The following TMEM74 variants were observed in gnomAD, a reference collection of about 807,000 sequenced individuals.
The protein encoded by TMEM74 is transmembrane protein 74.
A neutral mutation model predicts 18.1 loss-of-function variants in TMEM74; 13 were observed. The ratio of observed to expected loss-of-function variants is 0.72; its 90% CI spans 0.47 to 1.14. The LOEUF (loss-of-function observed/expected upper bound fraction) is 1.14, where lower values mean the gene tolerates loss of function less well. Ranked by LOEUF, TMEM74 falls within the 50% of genes most tolerant of loss-of-function variation. The probability of loss-of-function intolerance (pLI) is 0.00; values close to 1 mark genes in which losing one functional copy is unlikely to be tolerated. For synonymous variants in TMEM74, 159 were observed against 146.6 expected (o/e 1.08, Z -0.61); for missense variants, 372 against 375.9 (o/e 0.99, Z 0.09).
chr8:108,697,482 T>A (rs550145782), intron 1 of TMEM74, among the ~76,000 whole-genome samples: 2 of 152,254 alleles, frequency 1.3e-5, no homozygotes, highest in South Asian at 4.1e-4. Flanking sequence ...AGTGGCATGA[T>A]CATGGCTCAC....
At chr8:108,680,009 A>G (rs1002508326) in intron 1 of TMEM74, among the ~76,000 whole-genome samples, 6 of 152,230 alleles carry the variant, frequency 3.9e-5, no homozygotes, top group African/African-American at 1.4e-4. Context: ...ATCTCTGAAT[A>G]GACCAAAAAC....
intron 1 of TMEM74, among the ~76,000 whole-genome samples, chr8:108,740,055 G>C (rs1813785257): frequency 6.6e-6 from 1 of 152,080 alleles, no homozygotes; most frequent in African/African-American, 2.4e-5. Context: ...TGATGGTTTA[G>C]CATTTATAAG....
intron 1 of TMEM74, among the ~76,000 whole-genome samples, chr8:108,740,969 C>T (rs1808304483): frequency 6.6e-6 from 1 of 152,070 alleles, no homozygotes; most frequent in African/African-American, 2.4e-5. Flanking sequence ...TACATAAATT[C>T]CTAAATACTT....
At chr8:108,690,800 G>A (rs1034960382) in intron 1 of TMEM74, among the ~76,000 whole-genome samples, 1 of 151,952 alleles carries the variant, frequency 6.6e-6, no homozygotes, top group East Asian at 1.9e-4. Flanking sequence ...CAGCCTGGGC[G>A]ACAGAGCAAG....
chr8:108,738,947 A>T (rs1424993143), intron 1 of TMEM74, among the ~76,000 whole-genome samples: 2 of 152,204 alleles, frequency 1.3e-5, no homozygotes, highest in African/African-American at 4.8e-5. Context: ...TCCTTTAAAA[A>T]TACTTTCTGA....
At chr8:108,744,372 C>G (rs1028634066) in intron 1 of TMEM74, among the ~76,000 whole-genome samples, 1 of 152,046 alleles carries the variant, frequency 6.6e-6, no homozygotes, top group Admixed American at 6.6e-5. Flanking sequence ...ATTAAGCTAG[C>G]TTAAGGGTGC....
At chr8:108,609,969 A>G (rs1812318908) in intron 2 of TMEM74, among the ~76,000 whole-genome samples, 1 of 152,202 alleles carries the variant, frequency 6.6e-6, no homozygotes, top group Admixed American at 6.5e-5. Context: ...AGAAGAAGAA[A>G]GATAGTAAGA....
chr8:108,696,565 A>AT (rs1202545510), intron 1 of TMEM74, among the ~76,000 whole-genome samples: 1 of 152,188 alleles, frequency 6.6e-6, no homozygotes, highest in African/African-American at 2.4e-5. Flanking sequence ...TTACAATCGT[A>AT]TTTTTTGTCT....
chr8:108,632,645 A>G (rs144206720), intron 2 of TMEM74, among the ~76,000 whole-genome samples: 67 of 152,064 alleles, frequency 4.4e-4, no homozygotes, highest in African/African-American at 1.6e-3. Flanking sequence ...TCATTCACTC[A>G]TTCAATGAAC....
chr8:108,674,232 T>C (rs1813031459), intron 1 of TMEM74, among the ~76,000 whole-genome samples: 3 of 152,192 alleles, frequency 2.0e-5, no homozygotes, highest in Admixed American at 2.0e-4. Flanking sequence ...CATGTAAATA[T>C]ACCCAACATT....
downstream of TMEM74, among the ~76,000 whole-genome samples, chr8:108,774,709 T>A (rs551978909): frequency 6.6e-6 from 1 of 151,970 alleles, no homozygotes; most frequent in East Asian, 1.9e-4. Flanking sequence ...ACAAAGTAAA[T>A]GGGCATGGAT....
Position 108,763,599 on chromosome 8 carries a change from A to G in TMEM74, n.119+23877T>C, listed in dbSNP as rs138050161. On this transcript the variant is annotated intron_variant and non_coding_transcript_variant, in intron 1 of 3. Coordinates refer to the TMEM74 transcript ENST00000518838. ...GTATTAATTTATACCTTGGGTAAGAATGTCTGCCCTTCATTATGGTGTTTA... is the reference window on the plus strand; with the variant it reads ...GTATTAATTTATACCTTGGGTAAGAGTGTCTGCCCTTCATTATGGTGTTTA... Among the ~76,000 whole-genome samples, 420 of 152,268 alleles carry G rather than the reference A, an allele frequency of 2.8e-3. 1 individual carries two copies. Among genetic ancestry groups the G allele is most frequent in the Non-Finnish European group, 3.6e-3 (242 of 68,018 alleles).
rs1411975448 is a variant in TMEM74 at position 108,782,817 on chromosome 8, A to G, written c.*1364T>C. On this transcript the variant is annotated 3_prime_UTR_variant, in exon 2 of 2. Transcript: ENST00000297459. Reference sequence around the variant, plus strand: ...CAACAACTCTTAGAGCACAGGTTGGAAAAACCTCCAGGCAGAGTTGCAAAA... The same window carrying G: ...CAACAACTCTTAGAGCACAGGTTGGGAAAACCTCCAGGCAGAGTTGCAAAA... 6.6e-6 allele frequency among the ~76,000 whole-genome samples: 1 copy of G among 152,220 alleles called. No individual in the cohort carries two copies. Among genetic ancestry groups the G allele is most frequent in the Non-Finnish European group, 1.5e-5 (1 of 68,044 alleles).
At chr8:108,723,915 G>A (rs1813609476) in intron 1 of TMEM74, among the ~76,000 whole-genome samples, 1 of 152,080 alleles carries the variant, frequency 6.6e-6, no homozygotes, top group South Asian at 2.1e-4. Context: ...GTAAACGAAG[G>A]TGCTCCTGCC....
At chr8:108,706,011 A>G (rs1403228233) in intron 1 of TMEM74, among the ~76,000 whole-genome samples, 1 of 152,216 alleles carries the variant, frequency 6.6e-6, no homozygotes. Flanking sequence ...AGAATTCTGA[A>G]TCCTGTTGCC....
downstream of TMEM74, among the ~76,000 whole-genome samples, chr8:108,775,614 A>C: frequency 6.6e-6 from 1 of 152,068 alleles, no homozygotes; most frequent in East Asian, 1.9e-4. Flanking sequence ...TGCTCTTTTG[A>C]GATTATAAAA....
intron 2 of TMEM74, among the ~76,000 whole-genome samples, chr8:108,639,079 C>A (rs923156493): frequency 6.6e-6 from 1 of 152,126 alleles, no homozygotes; most frequent in Admixed American, 6.6e-5. Flanking sequence ...CCTAAACTAT[C>A]AAGCCCCAGC....
chr8:108,716,494 A>G (rs1329241937), intron 1 of TMEM74, among the ~76,000 whole-genome samples: 1 of 152,106 alleles, frequency 6.6e-6, no homozygotes, highest in African/African-American at 2.4e-5. Flanking sequence ...TTAAAATTAT[A>G]GATTAGAAAT....
chr8:108,740,052 T>A (rs1203037200), intron 1 of TMEM74, among the ~76,000 whole-genome samples: 1 of 152,012 alleles, frequency 6.6e-6, no homozygotes, highest in Non-Finnish European at 1.5e-5. Flanking sequence ...CTGTGATGGT[T>A]TAGCATTTAT....
Sources: allele counts gnomAD v4.1 joint callset (sites outside exome capture counted in the v4.1 genomes callset), GRCh38; gene constraint gnomAD v4.1.1; transcripts MANE v1.5; gene names NCBI Gene and HGNC (gene_info 2026-07-23, HGNC 2026-07-21).